ANKRD29: variants seen among roughly 807,000 people sequenced by gnomAD.
ANKRD29 encodes ankyrin repeat domain 29, also known as ankyrin repeat domain-containing protein 29.
In ANKRD29, 32 loss-of-function variants were observed where a neutral mutation model predicts 38.0. That is an observed-to-expected ratio of 0.84 (90% CI 0.64 to 1.13). The LOEUF is 1.13. Ranked by LOEUF, ANKRD29 falls within the 50% of genes most tolerant of loss-of-function variation. ANKRD29 has a pLI of 0.00. For missense variants in ANKRD29, 357 were observed against 377.9 expected, an observed-to-expected ratio of 0.94 and a Z score of 0.46; for synonymous variants, 135 against 152.4, an observed-to-expected ratio of 0.89 and a Z score of 0.84.
At chr18:23,659,658 G>T (rs994379162) in intron 1 of ANKRD29, among the ~76,000 whole-genome samples, 1 of 151,736 alleles carries the variant, frequency 6.6e-6, no homozygotes, top group South Asian at 2.1e-4. Context: ...CAGGAGAATT[G>T]CTTGAACCCG....
Position 23,612,206 on chromosome 18 carries a change from AGT to A in ANKRD29, c.724-18_724-17del. The A allele has an allele frequency of 6.2e-7, 1 of 1,609,052 alleles. No individual in the cohort carries two copies. On this transcript the variant is annotated splice_polypyrimidine_tract_variant and intron_variant, in intron 8 of 9. Coordinates refer to ENST00000592179, the MANE Select transcript of ANKRD29 (RefSeq NM_173505.4). ...ATGTCCCATTCTAAGAGAAAATGAC[AGT>A]GTGTGTCAGGAGTGAGCTCACAGCC...
At chr18:23,641,228 A>G (rs1042357087) in intron 3 of ANKRD29, among the ~76,000 whole-genome samples, 2 of 152,206 alleles carry the variant, frequency 1.3e-5, no homozygotes, top group Non-Finnish European at 2.9e-5. Context: ...AGCTGGAAGC[A>G]GGTGGGAGCC....
chr18:23,660,770 G>C (rs1267579485), intron 1 of ANKRD29, among the ~76,000 whole-genome samples: 1 of 152,236 alleles, frequency 6.6e-6, no homozygotes. Context: ...TTGCGCCACT[G>C]CACTCTAGCC....
chr18:23,638,872 C>T lies in ANKRD29; in HGVS notation c.307G>A (p.Ala103Thr), dbSNP rs763352378. 2.7e-5 allele frequency: 44 copies of T among 1,611,912 alleles called. No homozygotes were observed. The highest frequency in any genetic ancestry group is 4.5e-5 in the East Asian group (2 of 44,822). ...ACTTTGGTCCTAAATTCAGTGGATGCTCCAAATCCAAAGAGAAATCTCACG... is the reference window on the plus strand; with the variant it reads ...ACTTTGGTCCTAAATTCAGTGGATGTTCCAAATCCAAAGAGAAATCTCACG... ...DVVRFLFGFG[A>T]STEFRTKDGG... Residue 103 changes from alanine to threonine, a missense_variant, in exon 4 of 10, where the codon GCA becomes ACA. Ala to Thr is a moderately conservative substitution (Grantham distance 58, BLOSUM62 0). Transcript: ENST00000592179.
rs8091017 is a variant in ANKRD29, at chr18:23,600,265, A to G, written c.*961T>C. ...CTAATAACAGTCTTTTATTATTTATATTCCTGCAATAGTAATAGCAACATA... is the reference window on the plus strand; with the variant it reads ...CTAATAACAGTCTTTTATTATTTATGTTCCTGCAATAGTAATAGCAACATA... On this transcript the variant is annotated 3_prime_UTR_variant, in exon 10 of 10. Transcript: ENST00000592179. 504 of 152,390 alleles carry G rather than the reference A, an allele frequency of 3.3e-3. 4 individuals are homozygous for G. The highest frequency in any genetic ancestry group is 0.011 in the African/African-American group (473 of 41,564). The allele number at this position is 152,390 out of a possible 1,614,324, so 9.4% of individuals were successfully genotyped here.
intron 9 of ANKRD29, among the ~76,000 whole-genome samples, chr18:23,604,059 C>T (rs2059546497): frequency 6.6e-6 from 1 of 152,154 alleles, no homozygotes; most frequent in African/African-American, 2.4e-5. Context: ...CCAGGCTGGT[C>T]TCGAACTCCT....
At chr18:23,620,152 G>C (rs929061355) in intron 6 of ANKRD29, among the ~76,000 whole-genome samples, 3 of 152,074 alleles carry the variant, frequency 2.0e-5, no homozygotes, top group African/African-American at 7.2e-5. Flanking sequence ...TTTTCTTTGA[G>C]GTGGGGTCTG....
intron 6 of ANKRD29, among the ~76,000 whole-genome samples, chr18:23,623,954 T>G (rs547783624): frequency 6.6e-6 from 1 of 152,036 alleles, no homozygotes; most frequent in East Asian, 1.9e-4. Context: ...TTTTATATAT[T>G]TTTTTAAATT....
intron 7 of ANKRD29, 97 bp downstream of exon 7, chr18:23,619,434 G>T: frequency 8.4e-7 from 1 of 1,193,440 alleles, no homozygotes; most frequent in Non-Finnish European, 1.1e-6. Context: ...AGGTTGGGAG[G>T]AAACCCATGT....
intron 5 of ANKRD29, 138 bp downstream of exon 5, chr18:23,633,913 A>G: frequency 1.2e-6 from 1 of 824,492 alleles, no homozygotes; most frequent in Non-Finnish European, 2.0e-6. Flanking sequence ...GGTCCGCTAT[A>G]TATTTTTCTC....
In ANKRD29 at chr18:23,634,547, C is replaced by T. The variant is rs186841463; in HGVS notation, c.331-398G>A. ...TCAAGTGATCTGCCCACCGCGACATCTCAAAGTGCTGGGATTACAGGTGTG... is the reference window on the plus strand; with the variant it reads ...TCAAGTGATCTGCCCACCGCGACATTTCAAAGTGCTGGGATTACAGGTGTG... On this transcript the variant is annotated intron_variant, in intron 4 of 9. Coordinates refer to ENST00000592179, the MANE Select transcript of ANKRD29 (RefSeq NM_173505.4). Among the ~76,000 whole-genome samples, 4 of 152,196 alleles carry T rather than the reference C, an allele frequency of 2.6e-5. No individual in the cohort carries two copies. The East Asian group carries it at 7.7e-4, about 29-fold the overall frequency.
rs536872765 is a variant in ANKRD29 at position 23,623,526 on chromosome 18, T to C, written c.529-3897A>G. ...ATGATGGGGTGCAGTGGCTCACACC[T>C]GTAATCCCAGCACTTTGGGGGGCCA... On this transcript the variant is annotated intron_variant, in intron 6 of 9. Transcript: ENST00000592179. 1.5e-3 allele frequency among the ~76,000 whole-genome samples: 233 copies of C among 152,198 alleles called. 1 individual carries two copies. The highest frequency in any genetic ancestry group is 5.4e-3 in the African/African-American group (223 of 41,544).
At chr18:23,617,159 G>A (rs1457780864) in intron 8 of ANKRD29, among the ~76,000 whole-genome samples, 1 of 152,210 alleles carries the variant, frequency 6.6e-6, no homozygotes, top group East Asian at 1.9e-4. Context: ...AGAGGTTGCA[G>A]TGAGCCGAGA....
At chr18:23,605,465 G>C (rs1386241116) in intron 9 of ANKRD29, among the ~76,000 whole-genome samples, 1 of 151,984 alleles carries the variant, frequency 6.6e-6, no homozygotes, top group Non-Finnish European at 1.5e-5. Flanking sequence ...GCCTCCTGAA[G>C]TGCTGAGATT....
At chr18:23,614,532 T>C (rs1356043790) in intron 8 of ANKRD29, among the ~76,000 whole-genome samples, 8 of 152,108 alleles carry the variant, frequency 5.3e-5, no homozygotes, top group African/African-American at 1.7e-4. Flanking sequence ...CTAAAGCTCA[T>C]GGCAGGCCAG....
chr18:23,662,562 C>G (rs919085543), intron 1 of ANKRD29, 148 bp downstream of exon 1: 5 of 785,292 alleles, frequency 6.4e-6, no homozygotes, highest in Non-Finnish European at 8.9e-6. Flanking sequence ...TCCCGGGCCT[C>G]GCCCGCAGCT....
At chr18:23,637,764 C>G (rs1030215321) in intron 4 of ANKRD29, among the ~76,000 whole-genome samples, 1 of 152,046 alleles carries the variant, frequency 6.6e-6, no homozygotes, top group African/African-American at 2.4e-5. Flanking sequence ...AAATAGTCCA[C>G]AAAAAGGATT....
intron 6 of ANKRD29, among the ~76,000 whole-genome samples, chr18:23,621,030 G>A (rs560489451): frequency 6.6e-6 from 1 of 152,274 alleles, no homozygotes; most frequent in African/African-American, 2.4e-5. Context: ...CAAGGGCCAC[G>A]CATGAGGCTC....
intron 6 of ANKRD29, among the ~76,000 whole-genome samples, chr18:23,622,712 A>C (rs1037027775): frequency 5.3e-5 from 8 of 151,992 alleles, no homozygotes; most frequent in Non-Finnish European, 8.8e-5. Context: ...GACTACAGGC[A>C]TGCACCACCA....
Sources: allele counts gnomAD v4.1 joint callset (sites outside exome capture counted in the v4.1 genomes callset), GRCh38; gene constraint gnomAD v4.1.1; transcripts MANE v1.5; gene names NCBI Gene and HGNC (gene_info 2026-07-23, HGNC 2026-07-21).